PKLR: variants seen among roughly 807,000 people sequenced by gnomAD.
PKLR encodes the protein pyruvate kinase L/R, also known as pyruvate kinase PKLR.
A neutral mutation model predicts 53.6 loss-of-function variants in PKLR; 38 were observed. The observed-to-expected ratio is 0.71, with a 90% CI of 0.55 to 0.93. The LOEUF (loss-of-function observed/expected upper bound fraction) is 0.93. PKLR is among the 40% of genes least tolerant of loss of function. The probability of loss-of-function intolerance (pLI) is 0.00; values close to 1 mark genes in which losing one functional copy is unlikely to be tolerated. For missense variants in PKLR, 702 were observed against 787.3 expected (o/e 0.89, Z 1.30); for synonymous variants, 328 against 316.2 (o/e 1.04, Z -0.39).
intron 2 of PKLR, among the ~76,000 whole-genome samples, chr1:155,296,183 G>A (rs530201618): frequency 1.8e-4 from 28 of 152,256 alleles, no homozygotes; most frequent in African/African-American, 6.3e-4. Flanking sequence ...TGCCTGCACT[G>A]CTATGGGGCA....
Position 155,293,554 on chromosome 1 carries a change from T to A in PKLR, c.1153A>T (p.Arg385Trp). ...ESMITKPRPT[R>W]AETSDVANAV... ...TTGGCGACATCGCTTGTCTCTGCCC[T>A]CGTTGGCCGGGGCTTGGTAATCATG... The change falls in exon 8 of 11, where the codon AGG becomes TGG. Residue 385 changes from arginine to tryptophan, a missense_variant. By Grantham distance (101) the Arg-to-Trp change is moderately radical (BLOSUM62 -3). Coordinates refer to ENST00000342741, the MANE Select transcript of PKLR (RefSeq NM_000298.6). The surrounding 1 kb of genome is among the most constrained non-coding windows in gnomAD (Gnocchi z 4.2). The A allele has an allele frequency of 6.2e-7, 1 of 1,614,160 alleles. No homozygotes were observed. Among genetic ancestry groups the A allele is most frequent in the Non-Finnish European group, 8.5e-7 (1 of 1,180,006 alleles).
intron 2 of PKLR, among the ~76,000 whole-genome samples, chr1:155,299,010 CTTTCTTTCTTTCTTTCTTTCTTTCT>C (rs1301669212): frequency 5.9e-5 from 6 of 102,034 alleles, no homozygotes; most frequent in Non-Finnish European, 1.1e-4. Context: ...TTCTTTCTTT[CTTTCTTTCTTTCTTTCTTTCTTTCT>C]CTTTCTTTCT....
intron 1 of PKLR, 189 bp downstream of exon 1, chr1:155,301,107 A>T: frequency 7.0e-7 from 1 of 1,423,954 alleles, no homozygotes; most frequent in South Asian, 1.3e-5. Context: ...TGGCCTGCCT[A>T]TAGGGCCTGG....
chr1:155,299,008 TTC>T (rs1244703504), intron 2 of PKLR, among the ~76,000 whole-genome samples: 1 of 96,872 alleles, frequency 1.0e-5, no homozygotes, highest in African/African-American at 5.5e-5. Context: ...CTTTCTTTCT[TTC>T]TTTCTTTCTT....
Position 155,295,264 on chromosome 1 carries a change from C to G in PKLR, c.546G>C (p.Gln182His), listed in dbSNP as rs993639560. 8.7e-6 allele frequency: 14 copies of G among 1,614,004 alleles called. No individual in the cohort carries two copies. In the African/African-American group the frequency reaches 1.9e-4, roughly 22 times the overall value. ...ACGCGGGGTCCACAGTCACCAGCAC[C>G]TGGGAGCCCTTCACCAGCTCCACTT... Reference protein sequence around the residue: ...ESEVELVKGSQVLVTVDPAFR... With the variant: ...ESEVELVKGSHVLVTVDPAFR... Residue 182 changes from glutamine (Q) to histidine (H), a missense_variant, in exon 5 of 11, where the codon CAG becomes CAC. This residue lies in a region of PKLR where 519 missense variants were observed against 537.1 expected (regional missense o/e 0.97). Transcript: ENST00000342741. The surrounding 1 kb of genome is among the most constrained non-coding windows in gnomAD (Gnocchi z 4.3).
the PKLR span, among the ~76,000 whole-genome samples, chr1:155,306,591 CT>C: frequency 4.6e-5 from 7 of 152,288 alleles, no homozygotes; most frequent in East Asian, 1.2e-3. This position sits in a 1 kb window ranked among gnomAD's most constrained non-coding sequence, Gnocchi z 4.2. Flanking sequence ...GAGGTGCCCC[CT>C]GGTCAGACAC....
chr1:155,290,848 G>A (rs1197183696), intron 10 of PKLR, among the ~76,000 whole-genome samples, 170 bp from the exon 11 acceptor site: 1 of 151,844 alleles, frequency 6.6e-6, no homozygotes, highest in Non-Finnish European at 1.5e-5. Context: ...AATTAGCTGG[G>A]TGTGGTGGCG....
chr1:155,299,038 T>TTCTCTC (rs1380587410), intron 2 of PKLR, among the ~76,000 whole-genome samples: 5 of 69,142 alleles, frequency 7.2e-5, no homozygotes, highest in Admixed American at 7.2e-4. Flanking sequence ...TTCTTTCTCT[T>TTCTCTC]TCTTTCTTTC....
Position 155,294,595 on chromosome 1 carries a change from A to G in PKLR, c.852T>C (p.Phe284=). 1 of 1,614,236 alleles carries G rather than the reference A, an allele frequency of 6.2e-7. No individual in the cohort carries two copies. The highest frequency in any genetic ancestry group is 8.5e-7 in the Non-Finnish European group (1 of 1,180,042). Residue 284 remains phenylalanine (F), a synonymous_variant, in exon 6 of 11, where the codon TTT becomes TTC. Coordinates refer to ENST00000342741, the MANE Select transcript of PKLR (RefSeq NM_000298.6). ...CGCTGGCTTTCCGCACAAAGGAGGC[A>G]AAGACGATGTCCACCCCATGCTCCA... ...FGVEHGVDIV[F]ASFVRKASDV... is the part of the protein sequence containing the mutation.
Position 155,295,612 on chromosome 1 carries a change from G to A in PKLR, c.376-44C>T. 3 of 1,614,058 alleles carry A rather than the reference G, an allele frequency of 1.9e-6. No homozygotes were observed. The highest frequency in any genetic ancestry group is 2.5e-6 in the Non-Finnish European group (3 of 1,179,990). On this transcript the variant is annotated intron_variant, in intron 3 of 10. Transcript: ENST00000342741. This position sits in a 1 kb window ranked among gnomAD's most constrained non-coding sequence, Gnocchi z 4.3. ...CGAGGGTTTCAGGGGAAGGTGGCCA[G>A]GACCTCGAGGCATCCTCCTGCCCCA...
chr1:155,290,723 T>A (rs768738883), intron 10 of PKLR, 45 bp from the exon 11 acceptor site: 14 of 1,156,686 alleles, frequency 1.2e-5, no homozygotes, highest in Admixed American at 1.7e-5. Flanking sequence ...GTGTGGTGGC[T>A]CACACCTGTA....
At chr1:155,294,143 A>C in intron 7 of PKLR, 92 bp downstream of exon 7, 2 of 1,458,510 alleles carry the variant, frequency 1.4e-6, no homozygotes, top group Non-Finnish European at 1.9e-6. Context: ...AAAAAACAAA[A>C]CAAAACAAAA....
chr1:155,299,971 A>G, intron 2 of PKLR, 127 bp downstream of exon 2: 1 of 1,021,908 alleles, frequency 9.8e-7, no homozygotes, highest in Non-Finnish European at 1.5e-6. Context: ...CTATATGCTC[A>G]ACAAATTTTT....
rs8177966 is a variant in PKLR at position 155,296,783 on chromosome 1, C to A, written c.284-1027G>T. Among the ~76,000 whole-genome samples the A allele has an allele frequency of 5.6e-3, 860 of 152,276 alleles. 9 individuals carry two copies. Among genetic ancestry groups the A allele is most frequent in the African/African-American group, 0.02 (839 of 41,542 alleles). On this transcript the variant is annotated intron_variant, in intron 2 of 10. Transcript: ENST00000342741. Reference sequence around the variant, plus strand: ...TGCTCTCACTTGCAGCAAAACTCATCGCAAGAGTTATCTGTACTTGCTACC... The same window carrying A: ...TGCTCTCACTTGCAGCAAAACTCATAGCAAGAGTTATCTGTACTTGCTACC...
Position 155,299,014 on chromosome 1 carries a change from CTTTCTTTCTTTCTTTCTTTCTCT to C in PKLR, c.283+1061_283+1083del, listed in dbSNP as rs1557963237. ...TCTTTCTTTCTTTCTTTCTTTCTTT[CTTTCTTTCTTTCTTTCTTTCTCT>C]TTCTTTCTTTCTTTCCTTCCTTCCT... On this transcript the variant is annotated intron_variant, in intron 2 of 10. Coordinates refer to ENST00000342741, the MANE Select transcript of PKLR (RefSeq NM_000298.6). 5.8e-4 allele frequency among the ~76,000 whole-genome samples: 59 copies of C among 102,580 alleles called. 2 individuals are homozygous for C. The highest frequency in any genetic ancestry group is 9.4e-4 in the South Asian group (3 of 3,186). 67.3% of individuals were successfully genotyped at this position (102,580 alleles called of 152,430 possible).
chr1:155,295,348 C>A lies in PKLR; in HGVS notation c.508-46G>T, dbSNP rs1434069516. 6.2e-7 allele frequency: 1 copy of A among 1,612,930 alleles called. No homozygotes were observed. The highest frequency in any genetic ancestry group is 1.7e-5 in the Admixed American group (1 of 59,996). On this transcript the variant is annotated intron_variant, in intron 4 of 10. Coordinates refer to ENST00000342741, the MANE Select transcript of PKLR (RefSeq NM_000298.6). This position sits in a 1 kb window ranked among gnomAD's most constrained non-coding sequence, Gnocchi z 4.3. ...GATGTGAGTTCTGAGCCCCGGAGTC[C>A]GGGACCCGCCCCTGCCCACGCCTGG...
At chr1:155,298,978 C>CT (rs1454010636) in intron 2 of PKLR, among the ~76,000 whole-genome samples, 1 of 85,256 alleles carries the variant, frequency 1.2e-5, no homozygotes, top group Admixed American at 1.1e-4. Context: ...TTCTTTCTTT[C>CT]TTTCTTTCTT....
intron 9 of PKLR, among the ~76,000 whole-genome samples, chr1:155,292,225 C>G (rs1409125078): frequency 3.0e-5 from 4 of 133,470 alleles, no homozygotes; most frequent in African/African-American, 1.2e-4. Flanking sequence ...ATAGTGAGAC[C>G]CCATCTCTGC....
intron 1 of PKLR, among the ~76,000 whole-genome samples, 161 bp from the exon 2 acceptor site, chr1:155,300,441 A>G (rs1354918204): frequency 3.9e-5 from 6 of 152,212 alleles, no homozygotes; most frequent in Non-Finnish European, 8.8e-5. Context: ...GTACTGTTAA[A>G]TGTTCTATAA....
Sources: allele counts gnomAD v4.1 joint callset (sites outside exome capture counted in the v4.1 genomes callset), GRCh38; gene constraint gnomAD v4.1.1; regional missense constraint gnomAD v4.1.1; non-coding constraint Gnocchi (gnomAD v3.1); transcripts MANE v1.5; gene names NCBI Gene and HGNC (gene_info 2026-07-23, HGNC 2026-07-21).